FIP1L1: variants seen among roughly 807,000 people sequenced by gnomAD.
FIP1L1 encodes pre-mRNA 3'-end-processing factor FIP1.
Under a neutral mutation model 84.6 loss-of-function variants are expected in FIP1L1, and 21 were observed. That is an observed-to-expected ratio of 0.25 (90% CI 0.18 to 0.36). The LOEUF is 0.36. Ranked by LOEUF, FIP1L1 falls within the 10% of genes least tolerant of loss-of-function variation. The pLI is 1.00. For missense variants in FIP1L1, 526 were observed against 751.1 expected (o/e 0.70, Z 3.50); for synonymous variants, 263 against 242.3 (o/e 1.09, Z -0.80).
At chr4:53,378,843 T>C in intron 1 of FIP1L1, 1 of 542,270 alleles carries the variant, frequency 1.8e-6, no homozygotes, top group Non-Finnish European at 3.2e-6. Context: ...TCCTTGATGA[T>C]GTGACTTTGA....
At chr4:53,385,751 T>C (rs1281132143) in intron 5 of FIP1L1, among the ~76,000 whole-genome samples, 1 of 152,190 alleles carries the variant, frequency 6.6e-6, no homozygotes, top group Non-Finnish European at 1.5e-5. Context: ...ACATTTTGCT[T>C]TGTTTGCTTG....
chr4:53,439,076 A>G (rs1311966428), intron 13 of FIP1L1, among the ~76,000 whole-genome samples: 3 of 152,150 alleles, frequency 2.0e-5, no homozygotes, highest in Non-Finnish European at 4.4e-5. Flanking sequence ...AGTGAAGTTA[A>G]GTAGTGTCCG....
At position 53,377,781 on chromosome 4, in the gene FIP1L1, G is replaced by C; in HGVS notation, c.-58G>C. 4.9e-6 allele frequency: 7 copies of C among 1,443,162 alleles called. 1 individual carries two copies. Among genetic ancestry groups the C allele is most frequent in the South Asian group, 4.1e-5 (3 of 73,812 alleles). 89.4% of individuals were successfully genotyped at this position (1,443,162 alleles called of 1,614,324 possible). A position where few individuals can be genotyped will look rare whatever the true frequency, so the allele number is the denominator to read the frequency against. ...TCTCGCGCCTCGGGGCTGCGAGGCT[G>C]GGGAAGGGGTTGGAGGGGGCTGTTG... is the stretch of plus-strand genomic sequence containing the variant. On this transcript the variant is annotated 5_prime_UTR_variant, in exon 1 of 18. Coordinates refer to ENST00000337488, the MANE Select transcript of FIP1L1 (RefSeq NM_030917.4).
intron 1 of FIP1L1, 46 bp downstream of exon 1, chr4:53,377,969 C>G (rs772366087): frequency 6.9e-7 from 1 of 1,456,474 alleles, no homozygotes; most frequent in South Asian, 1.3e-5. Context: ...TCAGGCCTCC[C>G]CTCTTGGCCC....
intron 9 of FIP1L1, among the ~76,000 whole-genome samples, chr4:53,397,896 A>G (rs1216794811): frequency 1.3e-5 from 2 of 152,206 alleles, no homozygotes; most frequent in Non-Finnish European, 2.9e-5. Flanking sequence ...TGTTTTGGCC[A>G]TGGTAACTTT....
chr4:53,451,292 C>T lies in FIP1L1; in HGVS notation c.1286-1628C>T, dbSNP rs369169288. ...AGCCTGAAAGCTACTCATTTTCGAT[C>T]GGGGGTTGTTTTTTTTTTTTCCTCA... is the stretch of plus-strand genomic sequence containing the variant. On this transcript the variant is annotated intron_variant, in intron 15 of 17. Transcript: ENST00000337488. 2.3e-4 allele frequency among the ~76,000 whole-genome samples: 34 copies of T among 151,094 alleles called. 1 individual carries two copies. The South Asian group carries it at 2.3e-3, about 10-fold the overall frequency.
At chr4:53,381,750 A>ATTTTTTTTTTTTTTTT (rs1233462083) in intron 3 of FIP1L1, among the ~76,000 whole-genome samples, 60 of 63,014 alleles carry the variant, frequency 9.5e-4, no homozygotes, top group Non-Finnish European at 1.4e-3. Context: ...AGGCATTTGC[A>ATTTTTTTTTTTTTTTT]TTCTTTTTTT....
intron 13 of FIP1L1, among the ~76,000 whole-genome samples, chr4:53,431,347 A>C (rs1277232823): frequency 6.6e-6 from 1 of 152,220 alleles, no homozygotes; most frequent in African/African-American, 2.4e-5. Flanking sequence ...CTAATGAAAG[A>C]AAGCTATGAT....
At chr4:53,454,786 C>T (rs1341894672) in intron 16 of FIP1L1, among the ~76,000 whole-genome samples, 1 of 152,170 alleles carries the variant, frequency 6.6e-6, no homozygotes, top group African/African-American at 2.4e-5. Context: ...AGAGAGTGAG[C>T]CTGTCCTTTG....
chr4:53,403,143 T>C (rs1161487230), intron 10 of FIP1L1, among the ~76,000 whole-genome samples: 3 of 151,826 alleles, frequency 2.0e-5, no homozygotes, highest in African/African-American at 7.3e-5. Flanking sequence ...GCAGCTGGAG[T>C]GAAGTGTGGG....
chr4:53,457,412 AT>A (rs1719811150), intron 16 of FIP1L1, among the ~76,000 whole-genome samples: 1 of 152,158 alleles, frequency 6.6e-6, no homozygotes, highest in Admixed American at 6.5e-5. Flanking sequence ...ATATACAAAT[AT>A]GTGCAAATGT....
chr4:53,458,635 T>G lies in FIP1L1; in HGVS notation c.1500-18T>G. On this transcript the variant is annotated intron_variant, in intron 16 of 17. Transcript: ENST00000337488. ...TAATGGTCCAGTTGTCAAGAAAACATTTCTATTTCAATTTCAGCGATGAAG... is the reference window on the plus strand; with the variant it reads ...TAATGGTCCAGTTGTCAAGAAAACAGTTCTATTTCAATTTCAGCGATGAAG... 6.2e-7 allele frequency: 1 copy of G among 1,605,580 alleles called. No individual in the cohort carries two copies. Among genetic ancestry groups the G allele is most frequent in the Non-Finnish European group, 8.5e-7 (1 of 1,175,758 alleles).
intron 10 of FIP1L1, among the ~76,000 whole-genome samples, chr4:53,410,814 T>C (rs546252190): frequency 2.0e-5 from 3 of 152,242 alleles, no homozygotes; most frequent in African/African-American, 7.2e-5. Context: ...AATTTCTTAC[T>C]GTGTTTAATT....
chr4:53,383,414 C>A (rs768553857), intron 4 of FIP1L1, among the ~76,000 whole-genome samples: 1 of 152,176 alleles, frequency 6.6e-6, no homozygotes, highest in Non-Finnish European at 1.5e-5. Context: ...GTAATTCCAG[C>A]ACTTTGGGAG....
intron 11 of FIP1L1, among the ~76,000 whole-genome samples, chr4:53,422,405 A>G (rs1368010147): frequency 1.3e-5 from 2 of 151,984 alleles, no homozygotes; most frequent in Admixed American, 1.3e-4. Context: ...TTTAAAAACT[A>G]TTGTACTCAT....
intron 13 of FIP1L1, chr4:53,440,548 AT>A: frequency 7.2e-7 from 1 of 1,384,854 alleles, no homozygotes; most frequent in Non-Finnish European, 1.0e-6. Context: ...CTGAAATCCA[AT>A]TACTATATTA....
chr4:53,399,675 A>G (rs1749226452), intron 9 of FIP1L1, 55 bp from the exon 10 acceptor site: 7 of 1,109,188 alleles, frequency 6.3e-6, no homozygotes, highest in Admixed American at 4.0e-5. Context: ...TCTAAAGTCC[A>G]TTATGTTTGA....
At chr4:53,399,307 G>A (rs1045806323) in intron 9 of FIP1L1, among the ~76,000 whole-genome samples, 5 of 152,182 alleles carry the variant, frequency 3.3e-5, no homozygotes, top group African/African-American at 1.2e-4. Context: ...AATAGAAAAT[G>A]GTCAGAATGG....
At chr4:53,380,104 G>A (rs1736997959) in intron 3 of FIP1L1, among the ~76,000 whole-genome samples, 1 of 152,196 alleles carries the variant, frequency 6.6e-6, no homozygotes, top group Admixed American at 6.5e-5. Context: ...TTTCTCAAAT[G>A]GTGAAACATG....
Sources: gnomAD v4.1 joint callset for allele counts (sites outside exome capture counted in the v4.1 genomes callset) on GRCh38, gnomAD v4.1.1 for gene constraint, MANE v1.5 for transcripts, NCBI Gene and HGNC (gene_info 2026-07-23, HGNC 2026-07-21) for gene names.